Variants in PCLO observed in about 807,000 individuals in gnomAD.
PCLO encodes piccolo presynaptic cytomatrix protein.
Under a neutral mutation model 427.5 loss-of-function variants are expected in PCLO, and 82 were observed. The ratio of observed to expected loss-of-function variants is 0.19; its 90% CI spans 0.16 to 0.23. PCLO has a LOEUF of 0.23. Ranked by LOEUF, PCLO falls within the 10% of genes least tolerant of loss-of-function variation. The probability of loss-of-function intolerance (pLI) is 1.00; values close to 1 mark genes in which losing one functional copy is unlikely to be tolerated. For synonymous variants in PCLO, 2,357 were observed against 2,155.4 expected (o/e 1.09, Z -2.59); for missense variants, 6,239 against 6,115.9 (o/e 1.02, Z -0.67).
At chr7:82,788,918 A>C (rs10264137) in intron 22 of PCLO, among the ~76,000 whole-genome samples, 54,509 of 151,526 alleles carry the variant, frequency 0.36, 10,396 homozygotes, top group African/African-American at 0.46. Flanking sequence ...ATAAAGACAA[A>C]TTTTAAAAGC....
chr7:82,782,242 G>A (rs191426923), intron 22 of PCLO, among the ~76,000 whole-genome samples: 36 of 152,264 alleles, frequency 2.4e-4, no homozygotes, highest in African/African-American at 6.5e-4. Flanking sequence ...GGTGTGTGGG[G>A]AAAACAGCCC....
intron 9 of PCLO, among the ~76,000 whole-genome samples, chr7:82,895,918 T>C (rs1047655125): frequency 6.6e-6 from 1 of 151,876 alleles, no homozygotes; most frequent in Non-Finnish European, 1.5e-5. Flanking sequence ...ACAAACTCTA[T>C]AGAAAAATAC....
At position 82,955,465 on chromosome 7, in the gene PCLO, G is replaced by T; in HGVS notation, c.5488C>A (p.Leu1830Ile). 5 of 1,613,668 alleles carry T rather than the reference G, an allele frequency of 3.1e-6. No individual in the cohort carries two copies. The highest frequency in any genetic ancestry group is 4.2e-6 in the Non-Finnish European group (5 of 1,179,762). ...RERPKTPPSN[L>I]SPIEDASPTE... ...GGAGATGCATCTTCAATGGGAGAGA[G>T]ATTACTAGGTGGTGTCTTTGGCCTT... Residue 1830 changes from leucine (L) to isoleucine (I), a missense_variant, in exon 5 of 25, where the codon CTC (leucine) becomes ATC (isoleucine). Physicochemically the swap from Leu to Ile is conservative, Grantham distance 5. This residue lies in a region of PCLO where 4,677 missense variants were observed against 4,468.4 expected (regional missense o/e 1.05). Transcript: ENST00000333891.
intron 3 of PCLO, among the ~76,000 whole-genome samples, chr7:82,987,204 T>C (rs1253924815): frequency 1.3e-5 from 2 of 152,008 alleles, no homozygotes; most frequent in African/African-American, 4.8e-5. Context: ...ACAAAGTAGT[T>C]AATACTGTGG....
At chr7:82,865,784 A>G (rs1174048602) in intron 10 of PCLO, among the ~76,000 whole-genome samples, 1 of 152,174 alleles carries the variant, frequency 6.6e-6, no homozygotes, top group East Asian at 1.9e-4. Flanking sequence ...TATTATACAT[A>G]TATATAACTA....
In PCLO at chr7:82,956,547, T is replaced by C. The variant is rs780301166; in HGVS notation, c.4406A>G (p.Lys1469Arg). The change falls in exon 5 of 25, where the codon AAA becomes AGA. Residue 1469 changes from lysine to arginine, a missense_variant. By Grantham distance (26) the Lys-to-Arg change is conservative (BLOSUM62 2). Transcript: ENST00000333891. ...GTCTTTCCTTTCTTCTTGACTCTCT[T>C]TGATCTCCTCTTCTGAAATAGTAAT... is the stretch of plus-strand genomic sequence containing the variant. The part of the protein sequence containing the change: ...LEITISEEEI[K>R]ESQEERKDTF... 3.7e-6 allele frequency: 6 copies of C among 1,612,850 alleles called. No individual in the cohort carries two copies. In the South Asian group the frequency reaches 4.4e-5, roughly 12 times the overall value.
chr7:82,905,989 A>G (rs534805457), intron 8 of PCLO, among the ~76,000 whole-genome samples: 3 of 151,630 alleles, frequency 2.0e-5, no homozygotes, highest in East Asian at 2.0e-4. Flanking sequence ...TCTACCGAAG[A>G]AGGCAGAGGT....
At chr7:82,819,472 T>G (rs1791744633) in intron 20 of PCLO, among the ~76,000 whole-genome samples, 1 of 79,690 alleles carries the variant, frequency 1.3e-5, no homozygotes, top group African/African-American at 4.5e-5. Context: ...AATTTATAAT[T>G]GAAAGAATAT....
At chr7:82,887,761 T>C (rs1048632443) in intron 9 of PCLO, among the ~76,000 whole-genome samples, 1 of 152,328 alleles carries the variant, frequency 6.6e-6, no homozygotes, top group South Asian at 2.1e-4. Context: ...TGAGCTTTAC[T>C]CTACTTCCAT....
rs779430893 is a variant in PCLO, at chr7:82,956,106, C to T, written c.4847G>A (p.Ser1616Asn). 1.9e-5 allele frequency: 30 copies of T among 1,610,430 alleles called. No homozygotes were observed. The highest frequency in any genetic ancestry group is 1.7e-5 in the Admixed American group (1 of 59,988). The change falls in exon 5 of 25, where the codon AGC (serine) becomes AAC (asparagine). Residue 1616 changes from serine (S) to asparagine (N), a missense_variant. By Grantham distance (46) the Ser-to-Asn change is conservative. This residue lies in a region of PCLO where 4,677 missense variants were observed against 4,468.4 expected (regional missense o/e 1.05). Coordinates refer to ENST00000333891, the MANE Select transcript of PCLO (RefSeq NM_033026.6). The part of the protein sequence containing the change: ...GKHRRLTRKS[S>N]TSIDEDAGRR... ...TCCTGCATCTTCATCAATGCTTGTGCTACTTTTTCGAGTCAGTCGTCTGTG... is the reference window on the plus strand; with the variant it reads ...TCCTGCATCTTCATCAATGCTTGTGTTACTTTTTCGAGTCAGTCGTCTGTG...
At position 82,954,524 on chromosome 7, in the gene PCLO, A is replaced by G; in HGVS notation, c.6429T>C (p.Asp2143=). 3.7e-6 allele frequency: 6 copies of G among 1,613,948 alleles called. No individual in the cohort carries two copies. Among genetic ancestry groups the G allele is most frequent in the South Asian group, 3.3e-5 (3 of 91,084 alleles). The change falls in exon 5 of 25, where the codon GAT becomes GAC. Residue 2143 remains aspartate (D), a synonymous_variant. Transcript: ENST00000333891. ...CTCTTGTATAATCGGTTACATATTC[A>G]TCCTCAATTTCTTCTGTTGAAAAAT... ...TQHFSTEEIE[D]EYVTDYTREI... is the part of the protein sequence containing the mutation.
intron 3 of PCLO, among the ~76,000 whole-genome samples, chr7:83,113,032 C>G (rs1277409330): frequency 6.6e-6 from 1 of 152,148 alleles, no homozygotes. Context: ...TATCTTGATA[C>G]CACACACCTA....
intron 3 of PCLO, among the ~76,000 whole-genome samples, chr7:83,064,485 C>T (rs185207529): frequency 8.5e-5 from 13 of 152,056 alleles, no homozygotes; most frequent in African/African-American, 2.9e-4. Flanking sequence ...TCATAATGAA[C>T]ACAGCATCTC....
At chr7:83,079,846 G>A (rs1322166956) in intron 3 of PCLO, among the ~76,000 whole-genome samples, 12 of 152,050 alleles carry the variant, frequency 7.9e-5, no homozygotes, top group Admixed American at 4.6e-4. Context: ...GCATGCATTA[G>A]CTATTTTTCC....
At chr7:83,152,591 A>C (rs889370527) in intron 2 of PCLO, among the ~76,000 whole-genome samples, 41 of 152,152 alleles carry the variant, frequency 2.7e-4, no homozygotes, top group Admixed American at 1.7e-3. Flanking sequence ...TTTATTCTTG[A>C]CTCCCTAAAA....
At chr7:83,090,682 G>A (rs1054597181) in intron 3 of PCLO, among the ~76,000 whole-genome samples, 1 of 151,974 alleles carries the variant, frequency 6.6e-6, no homozygotes, top group Non-Finnish European at 1.5e-5. Context: ...GGAACCAAGA[G>A]AACCTACAAA....
chr7:83,129,943 C>T (rs73180557), intron 3 of PCLO, among the ~76,000 whole-genome samples: 14,547 of 151,516 alleles, frequency 0.096, 730 homozygotes, highest in South Asian at 0.15. Context: ...AATATTTTAA[C>T]TAAATATTGC....
chr7:82,763,555 G>C (rs1391774968), intron 22 of PCLO, among the ~76,000 whole-genome samples: 1 of 151,812 alleles, frequency 6.6e-6, no homozygotes, highest in Non-Finnish European at 1.5e-5. Context: ...TCACATTTTG[G>C]GGATATAATT....
intron 3 of PCLO, among the ~76,000 whole-genome samples, chr7:83,049,875 T>C (rs1322110503): frequency 6.6e-6 from 1 of 152,094 alleles, no homozygotes; most frequent in Non-Finnish European, 1.5e-5. Flanking sequence ...TCCTTTTCAC[T>C]GCTACGATTT....
Sources: allele counts gnomAD v4.1 joint callset (sites outside exome capture counted in the v4.1 genomes callset), GRCh38; gene constraint gnomAD v4.1.1; regional missense constraint gnomAD v4.1.1; transcripts MANE v1.5; gene names NCBI Gene and HGNC (gene_info 2026-07-23, HGNC 2026-07-21).